The following RBFOX1 variants were observed in gnomAD, a reference collection of about 807,000 sequenced individuals.
RBFOX1 encodes the protein RNA binding protein fox-1 homolog 1.
Under a neutral mutation model 57.7 loss-of-function variants are expected in RBFOX1, and 8 were observed. The ratio of observed to expected loss-of-function variants is 0.14; its 90% CI spans 0.08 to 0.25. The LOEUF (loss-of-function observed/expected upper bound fraction) is 0.25. RBFOX1 is among the 10% of genes least tolerant of loss of function. The pLI, the probability that RBFOX1 is intolerant of heterozygous loss-of-function variation, is 1.00. For missense variants in RBFOX1, 611 were observed against 548.5 expected, an observed-to-expected ratio of 1.11 and a Z score of -1.14; for synonymous variants, 326 against 222.4, an observed-to-expected ratio of 1.47 and a Z score of -4.15.
chr16:7,591,734 T>C (rs1278961021), intron 7 of RBFOX1, among the ~76,000 whole-genome samples: 4 of 152,182 alleles, frequency 2.6e-5, no homozygotes, highest in Admixed American at 6.5e-5. Context: ...CACATCAGCA[T>C]CACACCCAGC....
At chr16:6,914,351 C>T (rs1016106764) in intron 3 of RBFOX1, among the ~76,000 whole-genome samples, 3 of 152,078 alleles carry the variant, frequency 2.0e-5, no homozygotes, top group South Asian at 2.1e-4. Context: ...GCTTAAATTA[C>T]AGGGTCGGCT....
At chr16:7,423,455 A>G (rs1598092336) in intron 4 of RBFOX1, among the ~76,000 whole-genome samples, 1 of 152,092 alleles carries the variant, frequency 6.6e-6, no homozygotes, top group African/African-American at 2.4e-5. Context: ...TGCCAGCAGA[A>G]TGGTAGAATG....
At chr16:6,956,267 G>C (rs762719539) in intron 3 of RBFOX1, among the ~76,000 whole-genome samples, 5 of 152,166 alleles carry the variant, frequency 3.3e-5, no homozygotes, top group Non-Finnish European at 5.9e-5. Flanking sequence ...GGCACAAAGA[G>C]CTGGGTGAAG....
At chr16:5,649,213 C>T (rs1217714944) in intron 3 of RBFOX1, among the ~76,000 whole-genome samples, 1 of 152,010 alleles carries the variant, frequency 6.6e-6, no homozygotes, top group Non-Finnish European at 1.5e-5. Context: ...CTTTCTCTGT[C>T]ACCCAGGTTG....
intron 1 of RBFOX1, among the ~76,000 whole-genome samples, chr16:6,183,283 A>G (rs1030931074): frequency 6.6e-6 from 1 of 151,992 alleles, no homozygotes; most frequent in Non-Finnish European, 1.5e-5. Context: ...GATCGAGACC[A>G]TCCTGGGTAA....
chr16:7,481,144 G>C (rs886959178), intron 4 of RBFOX1, among the ~76,000 whole-genome samples: 16 of 152,042 alleles, frequency 1.1e-4, no homozygotes, highest in African/African-American at 3.9e-4. Flanking sequence ...AATGAGGATG[G>C]TGCTACATAC....
In RBFOX1 at chr16:7,082,023, C is replaced by T. The variant is rs181072285; in HGVS notation, c.27+29925C>T. 1.5e-3 allele frequency among the ~76,000 whole-genome samples: 231 copies of T among 152,240 alleles called. 1 individual carries two copies. The highest frequency in any genetic ancestry group is 5.4e-3 in the African/African-American group (224 of 41,552). ...GCCACGTGGCTGAAAGTGGAAGAAG[C>T]GATTGAATTCCTCCCATCCTCTCTG... On this transcript the variant is annotated intron_variant, in intron 4 of 15. Coordinates refer to ENST00000550418, the MANE Select transcript of RBFOX1 (RefSeq NM_018723.4).
intron 4 of RBFOX1, among the ~76,000 whole-genome samples, chr16:7,264,032 C>G (rs1050150229): frequency 1.3e-5 from 2 of 151,900 alleles, no homozygotes; most frequent in African/African-American, 2.4e-5. Flanking sequence ...CAAACCAACA[C>G]CCTTCAAGCT....
At chr16:6,956,988 T>G (rs1183018692) in intron 3 of RBFOX1, among the ~76,000 whole-genome samples, 1 of 151,774 alleles carries the variant, frequency 6.6e-6, no homozygotes, top group Non-Finnish European at 1.5e-5. Context: ...GTCTGCAGAG[T>G]AAAGTGAAAG....
At chr16:6,503,927 C>T (rs1009048586) in intron 2 of RBFOX1, among the ~76,000 whole-genome samples, 2 of 152,202 alleles carry the variant, frequency 1.3e-5, no homozygotes, top group Admixed American at 1.3e-4. Context: ...GTTCCTTAAG[C>T]CGGACCTTCA....
chr16:6,248,564 C>T (rs1007046776), intron 1 of RBFOX1, among the ~76,000 whole-genome samples: 1 of 152,050 alleles, frequency 6.6e-6, no homozygotes, highest in Admixed American at 6.6e-5. Context: ...GGGAAGATCC[C>T]CGAGGGATGC....
chr16:6,846,920 CA>C (rs75672845), intron 3 of RBFOX1, among the ~76,000 whole-genome samples: 78 of 142,426 alleles, frequency 5.5e-4, no homozygotes, highest in East Asian at 1.0e-3. Context: ...CCCTAGGAAA[CA>C]AAAAAAAAAA....
At chr16:7,015,769 C>T (rs1022244031) in intron 3 of RBFOX1, among the ~76,000 whole-genome samples, 78 of 150,566 alleles carry the variant, frequency 5.2e-4, no homozygotes, top group Non-Finnish European at 8.1e-4. Context: ...CTTTTTTTTT[C>T]TTAAAGATTT....
chr16:5,462,077 C>T (rs2068805494), intron 1 of RBFOX1, among the ~76,000 whole-genome samples: 1 of 152,114 alleles, frequency 6.6e-6, no homozygotes, highest in East Asian at 1.9e-4. Context: ...TAAAGATTAC[C>T]CGTCTCTTTT....
At position 6,888,736 on chromosome 16, in the gene RBFOX1, CCTTA is replaced by C. The variant is rs577096717; in HGVS notation, c.-15-163317_-15-163314del. Among the ~76,000 whole-genome samples the C allele has an allele frequency of 4.3e-4, 65 of 152,168 alleles. 2 individuals are homozygous for C. In the South Asian group the frequency reaches 0.013, roughly 32 times the overall value. On this transcript the variant is annotated intron_variant, in intron 3 of 15. Coordinates refer to ENST00000550418, the MANE Select transcript of RBFOX1 (RefSeq NM_018723.4). ...GGAGACCATTGTAAGTACACAGCAG[CCTTA>C]CTTTGTGAGCTCATGCCTTAGTTAA...
At chr16:6,339,687 T>G (rs537360720) in intron 2 of RBFOX1, among the ~76,000 whole-genome samples, 1 of 141,670 alleles carries the variant, frequency 7.1e-6, no homozygotes, top group Non-Finnish European at 1.5e-5. Context: ...TTATTTTATT[T>G]TTTGAGAGAG....
intron 1 of RBFOX1, among the ~76,000 whole-genome samples, chr16:5,373,889 C>G (rs2065920660): frequency 6.6e-6 from 1 of 152,164 alleles, no homozygotes; most frequent in Non-Finnish European, 1.5e-5. Context: ...CAGGCATGAG[C>G]CACTGTGCCC....
chr16:7,131,711 C>T (rs1438108709), intron 4 of RBFOX1, among the ~76,000 whole-genome samples: 2 of 151,926 alleles, frequency 1.3e-5, no homozygotes, highest in South Asian at 2.1e-4. Flanking sequence ...CCAAGCATAA[C>T]CGCATACATC....
intron 6 of RBFOX1, among the ~76,000 whole-genome samples, chr16:7,581,482 A>C (rs568859949): frequency 5.3e-5 from 8 of 152,054 alleles, no homozygotes; most frequent in African/African-American, 1.9e-4. Context: ...TTGGCTTTCA[A>C]TGTGATCCCC....
Sources: gnomAD v4.1 joint callset for allele counts (sites outside exome capture counted in the v4.1 genomes callset) on GRCh38, gnomAD v4.1.1 for gene constraint, MANE v1.5 for transcripts, NCBI Gene and HGNC (gene_info 2026-07-23, HGNC 2026-07-21) for gene names.